Variants in GARNL3 observed in about 807,000 individuals in gnomAD.
GARNL3 encodes GTPase-activating Rap/Ran-GAP domain-like protein 3.
In GARNL3, 63 loss-of-function variants were observed where a neutral mutation model predicts 125.0. The ratio of observed to expected loss-of-function variants is 0.50; its 90% CI spans 0.41 to 0.62. The LOEUF (loss-of-function observed/expected upper bound fraction) is 0.62. GARNL3 is among the 20% of genes least tolerant of loss of function. The probability of loss-of-function intolerance (pLI) is 0.00; values close to 1 mark genes in which losing one functional copy is unlikely to be tolerated. For missense variants in GARNL3, 994 were observed against 1,244.0 expected, an observed-to-expected ratio of 0.80 and a Z score of 3.02; for synonymous variants, 439 against 457.5, an observed-to-expected ratio of 0.96 and a Z score of 0.52.
At chr9:127,275,195 C>T (rs534499050) in intron 1 of GARNL3, among the ~76,000 whole-genome samples, 9 of 152,284 alleles carry the variant, frequency 5.9e-5, no homozygotes, top group African/African-American at 2.2e-4. Flanking sequence ...CTCATGCAGG[C>T]CTTCCCTCAA....
Position 127,280,066 on chromosome 9 carries a change from A to G in GARNL3, c.145-11102A>G, listed in dbSNP as rs1258826019. On this transcript the variant is annotated intron_variant, in intron 1 of 27. Coordinates refer to ENST00000373387, the MANE Select transcript of GARNL3 (RefSeq NM_032293.5). The surrounding 1 kb of genome is among the most constrained non-coding windows in gnomAD (Gnocchi z 4.5). ...ACATAACAGGGGCTTAGGAACTACC[A>G]GTAGCAGTCTGGTTGAAAGAGGCGT... Among the ~76,000 whole-genome samples, 1 of 152,242 alleles carries G rather than the reference A, an allele frequency of 6.6e-6. No homozygotes were observed. The highest frequency in any genetic ancestry group is 6.5e-5 in the Admixed American group (1 of 15,286).
chr9:127,301,553 T>G (rs1274200620), intron 2 of GARNL3, among the ~76,000 whole-genome samples: 1 of 152,208 alleles, frequency 6.6e-6, no homozygotes, highest in East Asian at 1.9e-4. Flanking sequence ...AAATCCTTCC[T>G]TATACCATCT....
intron 1 of GARNL3, among the ~76,000 whole-genome samples, chr9:127,270,546 G>C (rs1181910909): frequency 1.3e-5 from 2 of 152,240 alleles, no homozygotes; most frequent in South Asian, 4.1e-4. Flanking sequence ...GCGCTTACTA[G>C]TCATTCTTAC....
At chr9:127,331,602 C>T (rs1326477445) in intron 7 of GARNL3, among the ~76,000 whole-genome samples, 1 of 151,958 alleles carries the variant, frequency 6.6e-6, no homozygotes, top group Non-Finnish European at 1.5e-5. Context: ...CTGTCTTCCT[C>T]CCTTCCCTGT....
At position 127,355,219 on chromosome 9, in the gene GARNL3, G is replaced by A. The variant is rs147298147; in HGVS notation, c.1760-78G>A. 1.3e-4 allele frequency: 160 copies of A among 1,191,214 alleles called. No individual in the cohort carries two copies. In the East Asian group the frequency reaches 3.7e-3, roughly 27 times the overall value. The allele number at this position is 1,191,214 out of a possible 1,614,324, so 73.8% of individuals were successfully genotyped here. A position where few individuals can be genotyped will look rare whatever the true frequency, so the allele number is the denominator to read the frequency against. ...TATGCTTAATTTCCAGGGTTCCTAG[G>A]TATTGCCAAATTGTCAAGGTCTGGG... On this transcript the variant is annotated intron_variant, in intron 19 of 27. Transcript: ENST00000373387.
intron 1 of GARNL3, among the ~76,000 whole-genome samples, chr9:127,225,871 C>T (rs1270148301): frequency 2.6e-5 from 4 of 151,494 alleles, no homozygotes; most frequent in African/African-American, 9.7e-5. Flanking sequence ...ACGCCGGCCT[C>T]TGCCCGGGCC....
chr9:127,357,338 A>G lies in GARNL3; in HGVS notation c.2055A>G (p.Thr685=). The part of the protein sequence containing the change: ...RHQFDVVNES[T]GEAFRLHHVE... ...AATTTGATGTGGTGAATGAGAGCACAGGAGAAGCCTTCAGGCTGCACCACG... is the reference window on the plus strand; with the variant it reads ...AATTTGATGTGGTGAATGAGAGCACGGGAGAAGCCTTCAGGCTGCACCACG... Residue 685 remains threonine, a synonymous_variant, in exon 21 of 28, where the codon ACA becomes ACG. Transcript: ENST00000373387. 4.3e-6 allele frequency: 7 copies of G among 1,614,200 alleles called. No homozygotes were observed. The highest frequency in any genetic ancestry group is 1.7e-5 in the Admixed American group (1 of 60,028).
intron 2 of GARNL3, among the ~76,000 whole-genome samples, chr9:127,251,113 G>C (rs1244351248): frequency 6.6e-6 from 1 of 152,188 alleles, no homozygotes; most frequent in African/African-American, 2.4e-5. Context: ...ATAGGGATTA[G>C]ATAGTATTAC....
intron 1 of GARNL3, among the ~76,000 whole-genome samples, chr9:127,283,250 A>G (rs2064148910): frequency 6.6e-6 from 1 of 152,204 alleles, no homozygotes; most frequent in South Asian, 2.1e-4. Flanking sequence ...GGCCCTGTCC[A>G]ATAGAACTTT....
At chr9:127,287,221 G>A (rs985675988) in intron 1 of GARNL3, among the ~76,000 whole-genome samples, 2 of 152,138 alleles carry the variant, frequency 1.3e-5, no homozygotes, top group African/African-American at 4.8e-5. Flanking sequence ...GTGGATTTTG[G>A]TGGCAGCTGG....
intron 22 of GARNL3, among the ~76,000 whole-genome samples, chr9:127,371,452 G>A (rs1307791470): frequency 3.3e-5 from 5 of 152,208 alleles, no homozygotes; most frequent in African/African-American, 4.8e-5. Flanking sequence ...TGGGAAGCAC[G>A]GAAGGAACTG....
At chr9:127,306,416 G>A in intron 2 of GARNL3, among the ~76,000 whole-genome samples, 1 of 151,824 alleles carries the variant, frequency 6.6e-6, no homozygotes, top group Non-Finnish European at 1.5e-5. Flanking sequence ...AACCCCGTCT[G>A]TACTAAAAAT....
Position 127,225,433 on chromosome 9 carries a change from G to C in GARNL3, c.-29+1095G>C, listed in dbSNP as rs1255307232. On this transcript the variant is annotated intron_variant, in intron 1 of 10. Transcript: ENST00000439286. ...TGCGGACGGGGAGGGGTGCGGCCGG[G>C]CGGGGTGCCGGCCACGTGGGGGGAT... is the stretch of plus-strand genomic sequence containing the variant. The C allele has an allele frequency of 5.4e-6, 5 of 919,762 alleles. No homozygotes were observed. The East Asian group carries it at 4.7e-4, about 87-fold the overall frequency. 57.0% of individuals were successfully genotyped at this position (919,762 alleles called of 1,614,324 possible). A position where few individuals can be genotyped will look rare whatever the true frequency, so the allele number is the denominator to read the frequency against.
chr9:127,361,271 A>AAGAGAGAG (rs61658215), intron 21 of GARNL3, among the ~76,000 whole-genome samples: 9 of 149,168 alleles, frequency 6.0e-5, no homozygotes, highest in Non-Finnish European at 1.2e-4. Flanking sequence ...TATTTTTTTT[A>AAGAGAGAG]AGAGAGAGAG....
intron 1 of GARNL3, among the ~76,000 whole-genome samples, chr9:127,240,133 G>A (rs1389035401): frequency 6.6e-6 from 1 of 152,118 alleles, no homozygotes; most frequent in Non-Finnish European, 1.5e-5. Flanking sequence ...TAGTCCAAGC[G>A]TATATATTGC....
At chr9:127,355,242 G>T in intron 19 of GARNL3, 55 bp from the exon 20 acceptor site, 1 of 1,494,986 alleles carries the variant, frequency 6.7e-7, no homozygotes, top group East Asian at 2.3e-5. Flanking sequence ...GTCAAGGTCT[G>T]GGGGCTTCCA....
Position 127,390,672 on chromosome 9 carries a change from A to G in GARNL3, c.2775A>G (p.Glu925=). The G allele has an allele frequency of 6.2e-7, 1 of 1,614,028 alleles. No individual in the cohort carries two copies. The highest frequency in any genetic ancestry group is 1.3e-5 in the African/African-American group (1 of 75,048). The part of the protein sequence containing the change: ...GLSDEGGPKS[E]GAPKAKSKPR... The stretch of plus-strand genomic sequence containing the variant: ...CGGATGAAGGTGGACCCAAGTCAGA[A>G]GGAGCGCCAAAGGCCAAATCAAAAC... The change falls in exon 27 of 28, where the codon GAA becomes GAG. Residue 925 remains glutamate, a synonymous_variant. Coordinates refer to ENST00000373387, the MANE Select transcript of GARNL3 (RefSeq NM_032293.5).
intron 2 of GARNL3, among the ~76,000 whole-genome samples, chr9:127,257,976 C>G (rs1441014813): frequency 6.6e-6 from 1 of 151,816 alleles, no homozygotes; most frequent in African/African-American, 2.4e-5. Flanking sequence ...TTCAGTCCTC[C>G]CATGGAGACA....
At chr9:127,365,183 C>A in intron 21 of GARNL3, 117 bp from the exon 22 acceptor site, 1 of 804,384 alleles carries the variant, frequency 1.2e-6, no homozygotes, top group Non-Finnish European at 2.2e-6. Flanking sequence ...CAGACATGAC[C>A]CTATGGCACC....
Sources: gnomAD v4.1 joint callset for allele counts (sites outside exome capture counted in the v4.1 genomes callset) on GRCh38, gnomAD v4.1.1 for gene constraint, Gnocchi (gnomAD v3.1) non-coding constraint, MANE v1.5 for transcripts, NCBI Gene and HGNC (gene_info 2026-07-23, HGNC 2026-07-21) for gene names.